The following AFG1L variants were observed in gnomAD, a reference collection of about 807,000 sequenced individuals.
AFG1L encodes the protein AFG1 like ATPase, also known as AFG1-like ATPase.
In AFG1L, 53 loss-of-function variants were observed where a neutral mutation model predicts 62.2. The ratio of observed to expected loss-of-function variants is 0.85; its 90% CI spans 0.68 to 1.07. AFG1L has a LOEUF of 1.07. Ranked by LOEUF, AFG1L falls within the 50% of genes least tolerant of loss-of-function variation. The probability of loss-of-function intolerance (pLI) is 0.00; values close to 1 mark genes in which losing one functional copy is unlikely to be tolerated. For missense variants in AFG1L, 555 were observed against 590.5 expected (o/e 0.94, Z 0.62); for synonymous variants, 228 against 210.3 (o/e 1.08, Z -0.73).
intron 10 of AFG1L, among the ~76,000 whole-genome samples, chr6:108,506,053 C>T (rs188342118): frequency 7.9e-5 from 12 of 152,226 alleles, no homozygotes; most frequent in Middle Eastern, 3.4e-3. Context: ...ACTGTGGTCA[C>T]GGGTTTTGAC....
intron 1 of AFG1L, chr6:108,319,836 C>T: frequency 4.9e-6 from 2 of 411,354 alleles, no homozygotes; most frequent in Non-Finnish European, 9.8e-6. Flanking sequence ...AGTAAATATG[C>T]TCTGTGGATG....
chr6:108,399,443 C>G (rs887579198), intron 6 of AFG1L, among the ~76,000 whole-genome samples: 1 of 151,922 alleles, frequency 6.6e-6, no homozygotes, highest in Non-Finnish European at 1.5e-5. Context: ...GCCTCGACCT[C>G]CCAAAGTGCT....
At chr6:108,499,755 C>T (rs748155530) in intron 10 of AFG1L, among the ~76,000 whole-genome samples, 24 of 151,656 alleles carry the variant, frequency 1.6e-4, no homozygotes, top group Non-Finnish European at 2.8e-4. Flanking sequence ...AGATCCTGTC[C>T]CCATCACCCC....
rs540134616 is a variant in AFG1L, at chr6:108,413,421, T to A, written c.807+11367T>A. Among the ~76,000 whole-genome samples, 130 of 152,310 alleles carry A rather than the reference T, an allele frequency of 8.5e-4. No homozygotes were observed. In the Middle Eastern group the frequency reaches 0.014, roughly 16 times the overall value. On this transcript the variant is annotated intron_variant, in intron 7 of 12. Transcript: ENST00000368977. ...TCAGCTCTGCACCAAGCAGACCTAA[T>A]AGACATCTACAGAACTCTCCACCCC... is the stretch of plus-strand genomic sequence containing the variant.
chr6:108,382,200 A>G (rs1562122069), intron 6 of AFG1L, among the ~76,000 whole-genome samples: 1 of 151,960 alleles, frequency 6.6e-6, no homozygotes, highest in Non-Finnish European at 1.5e-5. Context: ...GGGTTTCTCC[A>G]TGTTGGTCAA....
chr6:108,440,679 G>A (rs1337357530), intron 7 of AFG1L, among the ~76,000 whole-genome samples: 1 of 151,906 alleles, frequency 6.6e-6, no homozygotes, highest in Admixed American at 6.6e-5. Flanking sequence ...AATTAGCCGG[G>A]CATGGTGGCG....
intron 7 of AFG1L, among the ~76,000 whole-genome samples, chr6:108,438,223 C>T (rs975478010): frequency 6.6e-6 from 1 of 152,180 alleles, no homozygotes; most frequent in African/African-American, 2.4e-5. Context: ...ATTCAACAGA[C>T]TGGATGACTT....
At chr6:108,462,843 G>T (rs887540175) in intron 8 of AFG1L, among the ~76,000 whole-genome samples, 2 of 152,112 alleles carry the variant, frequency 1.3e-5, no homozygotes, top group Non-Finnish European at 2.9e-5. Context: ...ACGGAAGAGG[G>T]TATTTAGATT....
intron 8 of AFG1L, among the ~76,000 whole-genome samples, chr6:108,447,813 T>C (rs1281907579): frequency 6.6e-6 from 1 of 152,180 alleles, no homozygotes; most frequent in Non-Finnish European, 1.5e-5. Flanking sequence ...TTTATAATAA[T>C]AGGTGTATTC....
At chr6:108,396,537 C>T (rs1468356088) in intron 6 of AFG1L, among the ~76,000 whole-genome samples, 2 of 152,102 alleles carry the variant, frequency 1.3e-5, no homozygotes, top group East Asian at 3.9e-4. Flanking sequence ...TTCGCTCAGG[C>T]TGGAGTGCAG....
chr6:108,493,622 T>C (rs2114857255), intron 10 of AFG1L, among the ~76,000 whole-genome samples: 1 of 152,330 alleles, frequency 6.6e-6, no homozygotes, highest in East Asian at 1.9e-4. Flanking sequence ...AGATTTTAGA[T>C]GTCTACCAAA....
At chr6:108,298,946 CAG>C (rs1199132014) in intron 1 of AFG1L, among the ~76,000 whole-genome samples, 1 of 152,062 alleles carries the variant, frequency 6.6e-6, no homozygotes, top group Non-Finnish European at 1.5e-5. Context: ...GGAGGGAATT[CAG>C]AGACACTTCT....
chr6:108,432,143 C>T (rs1270736854), intron 7 of AFG1L, among the ~76,000 whole-genome samples: 1 of 151,674 alleles, frequency 6.6e-6, no homozygotes, highest in Non-Finnish European at 1.5e-5. Flanking sequence ...TGGTATGTTC[C>T]AAATCATAGT....
Position 108,510,337 on chromosome 6 carries a change from C to T in AFG1L, c.1188C>T (p.Asn396=), listed in dbSNP as rs1444487716. ...QGRRFITLID[N]FYDLKVRIIC... Reference sequence around the variant, plus strand: ...GAAGATTCATAACTCTCATCGATAACTTTTATGATCTCAAGGTAAGGATGT... The same window carrying T: ...GAAGATTCATAACTCTCATCGATAATTTTTATGATCTCAAGGTAAGGATGT... Residue 396 remains asparagine, a synonymous_variant, in exon 11 of 13, where the codon AAC becomes AAT. Transcript: ENST00000368977. 1 of 1,609,362 alleles carries T rather than the reference C, an allele frequency of 6.2e-7. No individual in the cohort carries two copies. The highest frequency in any genetic ancestry group is 2.2e-5 in the East Asian group (1 of 44,790).
chr6:108,418,794 G>T (rs1338698350), intron 7 of AFG1L, among the ~76,000 whole-genome samples: 1 of 152,170 alleles, frequency 6.6e-6, no homozygotes, highest in Non-Finnish European at 1.5e-5. Context: ...TATTTATGGA[G>T]TATAATCTCA....
chr6:108,321,781 A>C (rs1243530792), intron 1 of AFG1L, among the ~76,000 whole-genome samples: 3 of 152,194 alleles, frequency 2.0e-5, no homozygotes, highest in Middle Eastern at 6.3e-3. Flanking sequence ...ATTCTGTTTT[A>C]CAGGCCTTAA....
At chr6:108,436,720 G>T (rs67469918) in intron 7 of AFG1L, among the ~76,000 whole-genome samples, 19,506 of 152,158 alleles carry the variant, frequency 0.13, 1,526 homozygotes, top group South Asian at 0.23. Context: ...TTGAATCCTG[G>T]TTCTGTCACT....
chr6:108,503,364 C>T (rs2114881774), intron 10 of AFG1L, among the ~76,000 whole-genome samples: 1 of 152,326 alleles, frequency 6.6e-6, no homozygotes. Context: ...CCATGGGCTG[C>T]AGAATGGATG....
At chr6:108,367,171 C>T (rs548184357) in intron 6 of AFG1L, among the ~76,000 whole-genome samples, 1 of 152,252 alleles carries the variant, frequency 6.6e-6, no homozygotes, top group South Asian at 2.1e-4. Context: ...TGTTCCCTTC[C>T]AGGATACAAA....
Sources: allele counts gnomAD v4.1 joint callset (sites outside exome capture counted in the v4.1 genomes callset), GRCh38; gene constraint gnomAD v4.1.1; transcripts MANE v1.5; gene names NCBI Gene and HGNC (gene_info 2026-07-23, HGNC 2026-07-21).